PCBP3: variants seen among roughly 807,000 people sequenced by gnomAD.
PCBP3 encodes poly(rC) binding protein 3, also known as poly(rC)-binding protein 3.
PCBP3 carries 25 observed loss-of-function variants against 52.7 expected under a neutral mutation model. That is an observed-to-expected ratio of 0.47 (90% CI 0.35 to 0.66). The LOEUF is 0.66. PCBP3 is among the 30% of genes least tolerant of loss of function. PCBP3 has a pLI of 0.01. For missense variants in PCBP3, 391 were observed against 490.3 expected, an observed-to-expected ratio of 0.80 and a Z score of 1.91; for synonymous variants, 162 against 183.0, an observed-to-expected ratio of 0.89 and a Z score of 0.93.
chr21:45,737,356 C>T lies in PCBP3; in HGVS notation c.-162+1927C>T, dbSNP rs1278510968. 6.6e-6 allele frequency among the ~76,000 whole-genome samples: 1 copy of T among 152,206 alleles called. No individual in the cohort carries two copies. Among genetic ancestry groups the T allele is most frequent in the Non-Finnish European group, 1.5e-5 (1 of 68,030 alleles). On this transcript the variant is annotated intron_variant, in intron 3 of 17. Coordinates refer to ENST00000681687, the MANE Select transcript of PCBP3 (RefSeq NM_001384156.1). The surrounding 1 kb of genome is among the most constrained non-coding windows in gnomAD (Gnocchi z 4.9). Reference sequence around the variant, plus strand: ...CAAATCCCTGTTGCCTTGGGGCCAACTTTGTAATCTTACAAATCTGGATCT... The same window carrying T: ...CAAATCCCTGTTGCCTTGGGGCCAATTTTGTAATCTTACAAATCTGGATCT...
Position 45,935,325 on chromosome 21 carries a change from C to G in PCBP3, c.909+20C>G. ...AATGATGTGAGTATGCCCGCTGTACCTGCCTGTCCCTGGGTAGAAACACCA... is the reference window on the plus strand; with the variant it reads ...AATGATGTGAGTATGCCCGCTGTACGTGCCTGTCCCTGGGTAGAAACACCA... On this transcript the variant is annotated intron_variant, in intron 16 of 17. Coordinates refer to ENST00000681687, the MANE Select transcript of PCBP3 (RefSeq NM_001384156.1). 6.3e-7 allele frequency: 1 copy of G among 1,588,388 alleles called. No homozygotes were observed. The highest frequency in any genetic ancestry group is 1.1e-5 in the South Asian group (1 of 89,772).
At chr21:45,850,935 A>C (rs1272413447) in intron 5 of PCBP3, among the ~76,000 whole-genome samples, 1 of 152,232 alleles carries the variant, frequency 6.6e-6, no homozygotes, top group Non-Finnish European at 1.5e-5. Context: ...GTTAGAAATA[A>C]AATCATAAAA....
chr21:45,725,965 T>C (rs998664528), intron 2 of PCBP3, among the ~76,000 whole-genome samples: 1 of 152,022 alleles, frequency 6.6e-6, no homozygotes, highest in Non-Finnish European at 1.5e-5. Flanking sequence ...CTCAGGGCAG[T>C]GGACAGCATG....
chr21:45,732,360 C>A (rs1309052940), intron 2 of PCBP3, among the ~76,000 whole-genome samples: 1 of 151,956 alleles, frequency 6.6e-6, no homozygotes, highest in Non-Finnish European at 1.5e-5. Flanking sequence ...AAAAAGGTTC[C>A]TGTAGTGAAG....
At chr21:45,757,955 C>T (rs184863280) in intron 4 of PCBP3, among the ~76,000 whole-genome samples, 38 of 151,618 alleles carry the variant, frequency 2.5e-4, no homozygotes, top group Middle Eastern at 3.4e-3. Context: ...GGTGCGATCT[C>T]GGCTCACTGC....
At chr21:45,669,123 C>T (rs1348945189) in intron 2 of PCBP3, 171 bp downstream of exon 2, 2 of 152,132 alleles carry the variant, frequency 1.3e-5, no homozygotes, top group Non-Finnish European at 2.9e-5. Flanking sequence ...TCTGCATCAT[C>T]TCTTTTCTTT....
chr21:45,838,640 A>G (rs959325343), intron 4 of PCBP3, among the ~76,000 whole-genome samples: 5 of 152,178 alleles, frequency 3.3e-5, no homozygotes, highest in African/African-American at 7.2e-5. Context: ...TTCTCTCATC[A>G]TTACCATGAT....
At chr21:45,772,115 G>C (rs773423628) in intron 4 of PCBP3, among the ~76,000 whole-genome samples, 6 of 152,100 alleles carry the variant, frequency 3.9e-5, no homozygotes, top group Admixed American at 1.3e-4. Flanking sequence ...ATATAGTTTT[G>C]TTAAATACAT....
chr21:45,898,429 C>T (rs13046599), intron 6 of PCBP3, among the ~76,000 whole-genome samples: 3 of 150,200 alleles, frequency 2.0e-5, no homozygotes, highest in African/African-American at 4.9e-5. Context: ...CTCTGCACAC[C>T]GTCCTCACAG....
chr21:45,697,401 A>G (rs2082848806), intron 2 of PCBP3, among the ~76,000 whole-genome samples: 1 of 152,192 alleles, frequency 6.6e-6, no homozygotes, highest in Admixed American at 6.5e-5. Flanking sequence ...CTCACTAATA[A>G]TTTAATTTTT....
chr21:45,864,330 A>C (rs1396397591), intron 5 of PCBP3, among the ~76,000 whole-genome samples: 5 of 152,230 alleles, frequency 3.3e-5, no homozygotes, highest in African/African-American at 1.2e-4. Flanking sequence ...GATGGAGAGC[A>C]TGCACTTTTG....
rs779082263 is a variant in PCBP3, at chr21:45,747,499, G to A, written c.-161-7918G>A. Among the ~76,000 whole-genome samples, 87 of 152,370 alleles carry A rather than the reference G, an allele frequency of 5.7e-4. 1 individual carries two copies. The highest frequency in any genetic ancestry group is 3.4e-3 in the Middle Eastern group (1 of 294). On this transcript the variant is annotated intron_variant, in intron 3 of 17. Transcript: ENST00000681687. ...TAACATCCATAGGTGCTGCTGCAGT[G>A]ACAGTGGGGCGGTTCCAGCCCCTCC... is the stretch of plus-strand genomic sequence containing the variant.
At chr21:45,838,807 T>G (rs931197616) in intron 4 of PCBP3, among the ~76,000 whole-genome samples, 2 of 152,218 alleles carry the variant, frequency 1.3e-5, no homozygotes, top group Non-Finnish European at 2.9e-5. Context: ...TTCCTGTGTT[T>G]TAAGGTCAGT....
rs1320065342 is a variant in PCBP3, at chr21:45,724,186, A to G, written c.-199-11206A>G. 1.3e-5 allele frequency among the ~76,000 whole-genome samples: 2 copies of G among 152,138 alleles called. No individual in the cohort carries two copies. The highest frequency in any genetic ancestry group is 2.1e-4 in the South Asian group (1 of 4,826). Reference sequence around the variant, plus strand: ...TTAGGTAAAAACATAGCATTTGCTCATTTTCCTTTATTGAGATCTGTTGAA... The same window carrying G: ...TTAGGTAAAAACATAGCATTTGCTCGTTTTCCTTTATTGAGATCTGTTGAA... On this transcript the variant is annotated intron_variant, in intron 2 of 17. Coordinates refer to ENST00000681687, the MANE Select transcript of PCBP3 (RefSeq NM_001384156.1). This position sits in a 1 kb window ranked among gnomAD's most constrained non-coding sequence, Gnocchi z 5.3.
At chr21:45,763,207 C>G (rs970308504) in intron 4 of PCBP3, 2 of 152,278 alleles carry the variant, frequency 1.3e-5, no homozygotes, top group South Asian at 4.1e-4. Flanking sequence ...ATGGGGCATG[C>G]TTTGCAGGGC....
At chr21:45,645,507 T>C (rs954153836) in intron 1 of PCBP3, among the ~76,000 whole-genome samples, 15 of 152,240 alleles carry the variant, frequency 9.9e-5, no homozygotes, top group Non-Finnish European at 2.9e-5. Context: ...ATCTTTATAA[T>C]GCTCATGGTG....
chr21:45,938,275 T>C (rs1008706948), intron 16 of PCBP3, among the ~76,000 whole-genome samples: 3 of 152,196 alleles, frequency 2.0e-5, no homozygotes, highest in Admixed American at 1.3e-4. Context: ...CAGAAAGTGT[T>C]AGGGAGGAAA....
chr21:45,794,331 G>A (rs1014056320), intron 4 of PCBP3, among the ~76,000 whole-genome samples: 3 of 152,086 alleles, frequency 2.0e-5, no homozygotes, highest in African/African-American at 2.4e-5. Flanking sequence ...TGGGATTATC[G>A]CTTGAGCCGA....
At chr21:45,647,439 G>T (rs142254957) in intron 1 of PCBP3, among the ~76,000 whole-genome samples, 174 of 152,316 alleles carry the variant, frequency 1.1e-3, no homozygotes, top group Non-Finnish European at 2.0e-3. Flanking sequence ...CATACTCAGT[G>T]CTGCAGTTGG....
Sources: allele counts gnomAD v4.1 joint callset (sites outside exome capture counted in the v4.1 genomes callset), GRCh38; gene constraint gnomAD v4.1.1; non-coding constraint Gnocchi (gnomAD v3.1); transcripts MANE v1.5; gene names NCBI Gene and HGNC (gene_info 2026-07-23, HGNC 2026-07-21).